ARHGEF37: variants seen among roughly 807,000 people sequenced by gnomAD.
The protein encoded by ARHGEF37 is Rho guanine nucleotide exchange factor 37, also known as Rho guanine nucleotide exchange factor (GEF) 37.
ARHGEF37 carries 55 observed loss-of-function variants against 71.1 expected under a neutral mutation model. The observed-to-expected ratio is 0.77, with a 90% CI of 0.62 to 0.97. ARHGEF37 has a LOEUF of 0.97. ARHGEF37 is among the 50% of genes least tolerant of loss of function. ARHGEF37 has a pLI of 0.00. For missense variants in ARHGEF37, 765 were observed against 836.8 expected (o/e 0.91, Z 1.06); for synonymous variants, 327 against 350.6 (o/e 0.93, Z 0.75).
At position 149,632,094 on chromosome 5, in the gene ARHGEF37, G is replaced by A. The variant is rs751976432; in HGVS notation, c.1931G>A (p.Ser644Asn). 3 of 1,614,164 alleles carry A rather than the reference G, an allele frequency of 1.9e-6. No homozygotes were observed. The highest frequency in any genetic ancestry group is 2.2e-5 in the South Asian group (2 of 91,090). The change falls in exon 13 of 13, where the codon AGC becomes AAC. Residue 644 changes from serine (S) to asparagine (N), a missense_variant. By Grantham distance (46) the Ser-to-Asn change is conservative. Around this residue, in one of 5 missense-constraint regions of ARHGEF37, gnomAD observed 390 missense variants for 407.4 expected, o/e 0.96. Coordinates refer to ENST00000333677, the MANE Select transcript of ARHGEF37 (RefSeq NM_001001669.3). ...AQDKKGNPEW[S>N]LVEVNGQRGY... Reference sequence around the variant, plus strand: ...GACAAGAAGGGGAACCCTGAGTGGAGCCTGGTGGAAGTGAATGGACAGAGG... The same window carrying A: ...GACAAGAAGGGGAACCCTGAGTGGAACCTGGTGGAAGTGAATGGACAGAGG...
In ARHGEF37 at chr5:149,581,587, T is replaced by G. The variant is rs893765293; in HGVS notation, c.-49T>G. Reference sequence around the variant, plus strand: ...TGCGCTGTTGCCCGGGCGGCCGACCTCCGTGCGTGAGCGCCGGCAGGCACC... The same window carrying G: ...TGCGCTGTTGCCCGGGCGGCCGACCGCCGTGCGTGAGCGCCGGCAGGCACC... On this transcript the variant is annotated 5_prime_UTR_variant, in exon 1 of 13. Transcript: ENST00000333677. 6.6e-6 allele frequency: 1 copy of G among 151,998 alleles called. No individual in the cohort carries two copies. Among genetic ancestry groups the G allele is most frequent in the Non-Finnish European group, 1.5e-5 (1 of 67,986 alleles). 9.4% of individuals were successfully genotyped at this position (151,998 alleles called of 1,614,324 possible).
At chr5:149,569,930 A>C (rs1225091588) in intron 1 of ARHGEF37, among the ~76,000 whole-genome samples, 3 of 152,092 alleles carry the variant, frequency 2.0e-5, no homozygotes, top group Admixed American at 2.0e-4. Flanking sequence ...CATATGTTTA[A>C]CTTTATTAGA....
At chr5:149,613,386 A>G (rs887376605) in intron 4 of ARHGEF37, among the ~76,000 whole-genome samples, 1 of 149,364 alleles carries the variant, frequency 6.7e-6, no homozygotes, top group African/African-American at 2.5e-5. Context: ...TTGCTCTGTC[A>G]CTCAGGCTGG....
At chr5:149,599,161 C>T (rs1561795261) in intron 2 of ARHGEF37, among the ~76,000 whole-genome samples, 1 of 152,158 alleles carries the variant, frequency 6.6e-6, no homozygotes, top group Non-Finnish European at 1.5e-5. Flanking sequence ...AAAAGGATTC[C>T]CTGATAGGCC....
intron 11 of ARHGEF37, 68 bp from the exon 12 acceptor site, chr5:149,628,741 A>C (rs565981196): frequency 2.6e-6 from 4 of 1,510,808 alleles, no homozygotes; most frequent in Non-Finnish European, 3.6e-6. Flanking sequence ...ATATCCATGG[A>C]TTTTCTCCCT....
intron 2 of ARHGEF37, 132 bp from the exon 3 acceptor site, chr5:149,600,976 A>G: frequency 9.0e-7 from 1 of 1,112,488 alleles, no homozygotes; most frequent in East Asian, 2.5e-5. Context: ...ATCCTTGCAA[A>G]ATTCCACTGG....
intron 9 of ARHGEF37, among the ~76,000 whole-genome samples, chr5:149,622,822 C>T (rs557704421): frequency 4.6e-5 from 7 of 152,332 alleles, no homozygotes; most frequent in African/African-American, 7.2e-5. Context: ...CACCCAACTG[C>T]TTCCAGATCT....
At chr5:149,613,616 A>T (rs1752271704) in intron 4 of ARHGEF37, among the ~76,000 whole-genome samples, 1 of 152,176 alleles carries the variant, frequency 6.6e-6, no homozygotes, top group African/African-American at 2.4e-5. Context: ...AAGTGCTGGG[A>T]TTACAGGCGT....
intron 1 of ARHGEF37, among the ~76,000 whole-genome samples, chr5:149,571,741 C>T (rs1174221723): frequency 6.6e-6 from 1 of 151,746 alleles, no homozygotes; most frequent in Non-Finnish European, 1.5e-5. Context: ...GGCAACATAG[C>T]AAAACCCTGT....
intron 11 of ARHGEF37, among the ~76,000 whole-genome samples, chr5:149,627,941 A>C (rs1438701390): frequency 1.3e-5 from 2 of 152,222 alleles, no homozygotes; most frequent in Admixed American, 1.3e-4. Context: ...AAGCATTTTA[A>C]TGTGTATTAG....
intron 4 of ARHGEF37, among the ~76,000 whole-genome samples, chr5:149,616,191 A>G (rs1752370977): frequency 6.6e-6 from 1 of 152,166 alleles, no homozygotes; most frequent in African/African-American, 2.4e-5. Context: ...AGAGGCCAGC[A>G]GAGGAGGCTG....
chr5:149,622,552 T>G lies in ARHGEF37; in HGVS notation c.1335+490T>G, dbSNP rs936647965. On this transcript the variant is annotated intron_variant, in intron 9 of 12. Coordinates refer to ENST00000333677, the MANE Select transcript of ARHGEF37 (RefSeq NM_001001669.3). Reference sequence around the variant, plus strand: ...CCTCACAACAACCCTACAGAGGAGGTATAATTATACTCATTTTAAAAATAA... The same window carrying G: ...CCTCACAACAACCCTACAGAGGAGGGATAATTATACTCATTTTAAAAATAA... 3.9e-4 allele frequency among the ~76,000 whole-genome samples: 60 copies of G among 151,902 alleles called. 2 individuals carry two copies. Among genetic ancestry groups the G allele is most frequent in the Non-Finnish European group, 8.8e-5 (6 of 67,992 alleles).
chr5:149,601,691 A>G (rs756046079), intron 3 of ARHGEF37, among the ~76,000 whole-genome samples: 40 of 152,232 alleles, frequency 2.6e-4, no homozygotes, highest in Admixed American at 5.2e-4. Context: ...ATAAATAGTC[A>G]TGGTAACTTC....
At chr5:149,610,086 T>A (rs1205957632) in intron 4 of ARHGEF37, among the ~76,000 whole-genome samples, 3 of 152,146 alleles carry the variant, frequency 2.0e-5, no homozygotes, top group Non-Finnish European at 4.4e-5. Flanking sequence ...TAATCACTTC[T>A]CGTAATTCAT....
rs35095261 is a variant in ARHGEF37 at position 149,631,004 on chromosome 5, AG to A, written c.1819-974del. Among the ~76,000 whole-genome samples the A allele has an allele frequency of 1.1e-4, 17 of 152,316 alleles. No individual in the cohort carries two copies. In the East Asian group the frequency reaches 2.9e-3, roughly 26 times the overall value. ...TCATGAAATTCTCTCAATGTCCTGA[AG>A]GGGATGGGACCATTCCCTTCATTTT... On this transcript the variant is annotated intron_variant, in intron 12 of 12. Coordinates refer to ENST00000333677, the MANE Select transcript of ARHGEF37 (RefSeq NM_001001669.3).
intron 1 of ARHGEF37, among the ~76,000 whole-genome samples, chr5:149,566,273 G>T (rs1385315034): frequency 6.6e-6 from 1 of 151,646 alleles, no homozygotes; most frequent in Non-Finnish European, 1.5e-5. Flanking sequence ...GAGGTGGGTG[G>T]ATCACCTGAG....
intron 1 of ARHGEF37, among the ~76,000 whole-genome samples, chr5:149,552,656 G>T (rs1337394335): frequency 2.0e-5 from 3 of 152,140 alleles, no homozygotes; most frequent in Admixed American, 2.0e-4. Context: ...TGGCCAACAT[G>T]ATGAAACCCC....
intron 10 of ARHGEF37, 115 bp downstream of exon 10, chr5:149,624,255 C>T: frequency 1.5e-6 from 2 of 1,370,902 alleles, no homozygotes. Context: ...TTCCTGTTAT[C>T]CATGGAAATA....
chr5:149,618,323 G>C lies in ARHGEF37; in HGVS notation c.789+17G>C. 1 of 1,613,966 alleles carries C rather than the reference G, an allele frequency of 6.2e-7. No homozygotes were observed. The highest frequency in any genetic ancestry group is 1.1e-5 in the South Asian group (1 of 91,038). On this transcript the variant is annotated intron_variant, in intron 6 of 12. Transcript: ENST00000333677. Reference sequence around the variant, plus strand: ...ATCCCCAGGGTGAGCGTGCGCCTGGGAGGAAGAGTCACATCCAGCCACCCC... The same window carrying C: ...ATCCCCAGGGTGAGCGTGCGCCTGGCAGGAAGAGTCACATCCAGCCACCCC...
Sources: gnomAD v4.1 joint callset for allele counts (sites outside exome capture counted in the v4.1 genomes callset) on GRCh38, gnomAD v4.1.1 for gene constraint, gnomAD v4.1.1 regional missense constraint, MANE v1.5 for transcripts, NCBI Gene and HGNC (gene_info 2026-07-23, HGNC 2026-07-21) for gene names.